NFX1: variants seen among roughly 807,000 people sequenced by gnomAD.
NFX1 encodes nuclear transcription factor, X-box binding 1.
NFX1 carries 69 observed loss-of-function variants against 137.2 expected under a neutral mutation model. The ratio of observed to expected loss-of-function variants is 0.50; its 90% CI spans 0.41 to 0.61. The LOEUF (loss-of-function observed/expected upper bound fraction) is 0.61, where lower values mean the gene tolerates loss of function less well. NFX1 is among the 20% of genes least tolerant of loss of function. NFX1 has a pLI of 0.00. For missense variants in NFX1, 1,167 were observed against 1,391.0 expected, an observed-to-expected ratio of 0.84 and a Z score of 2.56; for synonymous variants, 495 against 474.1, an observed-to-expected ratio of 1.04 and a Z score of -0.57.
intron 19 of NFX1, among the ~76,000 whole-genome samples, chr9:33,360,634 C>T (rs1823958350): frequency 6.6e-6 from 1 of 152,056 alleles, no homozygotes; most frequent in South Asian, 2.1e-4. Flanking sequence ...CACATATATA[C>T]ACGCATACAC....
In NFX1 at chr9:33,307,319, C is replaced by A; in HGVS notation, c.1376+20C>A. On this transcript the variant is annotated intron_variant, in intron 5 of 23. Coordinates refer to ENST00000379540, the MANE Select transcript of NFX1 (RefSeq NM_002504.6). ...TAACCTGTAAGTTGGAATGCTAATTCCGTTGGGATTGCTGGTGGACATGCT... is the reference window on the plus strand; with the variant it reads ...TAACCTGTAAGTTGGAATGCTAATTACGTTGGGATTGCTGGTGGACATGCT... 1 of 1,594,442 alleles carries A rather than the reference C, an allele frequency of 6.3e-7. No homozygotes were observed. The highest frequency in any genetic ancestry group is 2.2e-5 in the East Asian group (1 of 44,780).
In NFX1 at chr9:33,337,443, C is replaced by T. The variant is rs148384803; in HGVS notation, c.2036-1067C>T. Among the ~76,000 whole-genome samples, 453 of 152,280 alleles carry T rather than the reference C, an allele frequency of 3.0e-3. 1 individual carries two copies. Among genetic ancestry groups the T allele is most frequent in the Non-Finnish European group, 3.6e-3 (247 of 68,032 alleles). On this transcript the variant is annotated intron_variant, in intron 11 of 23. Coordinates refer to ENST00000379540, the MANE Select transcript of NFX1 (RefSeq NM_002504.6). Reference sequence around the variant, plus strand: ...ATCCAAGGGAGGTCCTGGAATCAGTCCCCCATGGACTCCAAAAGTTTGTAC... The same window carrying T: ...ATCCAAGGGAGGTCCTGGAATCAGTTCCCCATGGACTCCAAAAGTTTGTAC...
chr9:33,303,094 A>G (rs942576109), intron 3 of NFX1, 97 bp from the exon 4 acceptor site: 1 of 867,366 alleles, frequency 1.2e-6, no homozygotes, highest in Non-Finnish European at 1.9e-6. Flanking sequence ...TATTACCACT[A>G]CTTCAATATT....
At chr9:33,317,238 G>A (rs1822194819) in intron 7 of NFX1, among the ~76,000 whole-genome samples, 1 of 151,328 alleles carries the variant, frequency 6.6e-6, no homozygotes, top group African/African-American at 2.4e-5. Context: ...GGGCAACATG[G>A]CAAAACCCCA....
At position 33,311,707 on chromosome 9, in the gene NFX1, C is replaced by T. The variant is rs554542814; in HGVS notation, c.1448+530C>T. On this transcript the variant is annotated intron_variant, in intron 6 of 23. Coordinates refer to ENST00000379540, the MANE Select transcript of NFX1 (RefSeq NM_002504.6). ...AGCTGGGATTACAGGCGCCTGCCAC[C>T]GCACCTGGCTAGTTTTTGTATTTTT... Among the ~76,000 whole-genome samples, 157 of 152,270 alleles carry T rather than the reference C, an allele frequency of 1.0e-3. 2 individuals carry two copies. The highest frequency in any genetic ancestry group is 2.8e-4 in the Non-Finnish European group (19 of 68,024).
chr9:33,315,717 T>C (rs1319379901), intron 7 of NFX1, among the ~76,000 whole-genome samples: 1 of 136,280 alleles, frequency 7.3e-6, no homozygotes, highest in Non-Finnish European at 1.6e-5. Context: ...CGAAAACCAG[T>C]CTCTAACAAC....
At position 33,351,594 on chromosome 9, in the gene NFX1, T is replaced by C; in HGVS notation, c.2459T>C (p.Ile820Thr). Residue 820 changes from isoleucine to threonine, a missense_variant, in exon 16 of 24, where the codon ATC becomes ACC. By Grantham distance (89) the Ile-to-Thr change is moderately conservative. Around this residue, in one of 3 missense-constraint regions of NFX1, gnomAD observed 488 missense variants for 691.5 expected, o/e 0.71. Coordinates refer to ENST00000379540, the MANE Select transcript of NFX1 (RefSeq NM_002504.6). ...RSNIPCHLVD[I>T]SCGLPCSATL... ...AACATCCCCTGTCACCTGGTTGATA[T>C]CTCTTGCGGATTACCCTGCAGTGCC... 1 of 1,614,224 alleles carries C rather than the reference T, an allele frequency of 6.2e-7. No homozygotes were observed. Among genetic ancestry groups the C allele is most frequent in the Non-Finnish European group, 8.5e-7 (1 of 1,180,040 alleles).
Position 33,307,265 on chromosome 9 carries a change from C to A in NFX1, c.1342C>A (p.Gln448Lys). 3 of 1,614,118 alleles carry A rather than the reference C, an allele frequency of 1.9e-6. No homozygotes were observed. The African/African-American group carries it at 4.0e-5, about 22-fold the overall frequency. ...HSCGEVCRKK[Q>K]PGQDCPHSCN... is the part of the protein sequence containing the mutation. ...CTGTGGTGAGGTTTGTAGAAAGAAACAGCCTGGCCAGGACTGCCCACATTC... is the reference window on the plus strand; with the variant it reads ...CTGTGGTGAGGTTTGTAGAAAGAAAAAGCCTGGCCAGGACTGCCCACATTC... Residue 448 changes from glutamine to lysine, a missense_variant, in exon 5 of 24, where the codon CAG (glutamine) becomes AAG (lysine). Gln to Lys is a moderately conservative substitution (Grantham distance 53). Around this residue, in one of 3 missense-constraint regions of NFX1, gnomAD observed 488 missense variants for 691.5 expected, o/e 0.71. Transcript: ENST00000379540.
chr9:33,365,659 A>G (rs1370827285), intron 21 of NFX1: 1 of 152,314 alleles, frequency 6.6e-6, no homozygotes, highest in Non-Finnish European at 1.5e-5. Flanking sequence ...CCAAGTGCCT[A>G]AGAATGGATG....
In NFX1 at chr9:33,366,701, G is replaced by A; in HGVS notation, c.3112G>A (p.Ala1038Thr). 1 of 1,614,178 alleles carries A rather than the reference G, an allele frequency of 6.2e-7. No homozygotes were observed. Reference protein sequence around the residue: ...RDHRRIIHDLAQVYGLESVSY... With the variant: ...RDHRRIIHDLTQVYGLESVSY... The stretch of plus-strand genomic sequence containing the variant: ...CCACCGCCGGATCATCCATGACTTG[G>A]CCCAAGTTTATGGCCTGGAGAGCGT... The change falls in exon 22 of 24, where the codon GCC (alanine) becomes ACC (threonine). Residue 1038 changes from alanine (A) to threonine (T), a missense_variant. This residue lies in a region of NFX1 where 312 missense variants were observed against 312.8 expected (regional missense o/e 1.00). Transcript: ENST00000379540.
At chr9:33,339,598 C>T (rs1044571970) in intron 12 of NFX1, among the ~76,000 whole-genome samples, 1 of 152,152 alleles carries the variant, frequency 6.6e-6, no homozygotes, top group Non-Finnish European at 1.5e-5. Context: ...CCAACTGTCC[C>T]CCAAAGTCTT....
intron 1 of NFX1, among the ~76,000 whole-genome samples, chr9:33,293,804 C>T (rs1191195981): frequency 6.6e-6 from 1 of 152,072 alleles, no homozygotes; most frequent in Admixed American, 6.6e-5. Context: ...ATGGAAAACC[C>T]AAAATATATT....
chr9:33,362,029 G>A (rs1282354233), intron 19 of NFX1, among the ~76,000 whole-genome samples: 1 of 151,100 alleles, frequency 6.6e-6, no homozygotes, highest in African/African-American at 2.4e-5. Context: ...GTTGAGGTAG[G>A]AGGATGGCTT....
intron 19 of NFX1, among the ~76,000 whole-genome samples, chr9:33,361,204 A>G (rs187539417): frequency 3.0e-4 from 45 of 152,374 alleles, no homozygotes; most frequent in African/African-American, 1.1e-3. Flanking sequence ...ACATAATTAG[A>G]AGACTATGAG....
At chr9:33,325,121 G>A (rs1458254484) in intron 9 of NFX1, among the ~76,000 whole-genome samples, 1 of 152,066 alleles carries the variant, frequency 6.6e-6, no homozygotes, top group Admixed American at 6.6e-5. Context: ...ACTTTCAAAT[G>A]TATTGAAAAA....
chr9:33,318,202 C>A (rs1354128306), intron 7 of NFX1, among the ~76,000 whole-genome samples: 1 of 151,994 alleles, frequency 6.6e-6, no homozygotes, highest in East Asian at 1.9e-4. Flanking sequence ...TTCTTTTTGG[C>A]AACGGGGACC....
At chr9:33,361,627 G>A (rs1008342811) in intron 19 of NFX1, among the ~76,000 whole-genome samples, 1 of 152,050 alleles carries the variant, frequency 6.6e-6, no homozygotes, top group East Asian at 1.9e-4. Context: ...ACAAAAATTA[G>A]CTGGGCATGG....
At chr9:33,301,964 C>T (rs59623532) in intron 3 of NFX1, among the ~76,000 whole-genome samples, 2 of 152,104 alleles carry the variant, frequency 1.3e-5, no homozygotes, top group Admixed American at 6.6e-5. Flanking sequence ...CCCAGCTACT[C>T]GGGAGGCTGA....
At chr9:33,344,307 C>A in intron 14 of NFX1, 119 bp downstream of exon 14, 1 of 1,397,456 alleles carries the variant, frequency 7.2e-7, no homozygotes, top group South Asian at 1.2e-5. Flanking sequence ...TTGCTCCCGG[C>A]TCAGGGGCTG....
Sources: allele counts gnomAD v4.1 joint callset (sites outside exome capture counted in the v4.1 genomes callset), GRCh38; gene constraint gnomAD v4.1.1; regional missense constraint gnomAD v4.1.1; transcripts MANE v1.5; gene names NCBI Gene and HGNC (gene_info 2026-07-23, HGNC 2026-07-21).